The following PCDHGA7 variants were observed in gnomAD, a reference collection of about 807,000 sequenced individuals.
PCDHGA7 encodes the protein protocadherin gamma subfamily A, 7.
Under a neutral mutation model 58.3 loss-of-function variants are expected in PCDHGA7, and 44 were observed. That is an observed-to-expected ratio of 0.75 (90% CI 0.59 to 0.97). The LOEUF (loss-of-function observed/expected upper bound fraction) is 0.97, where lower values mean the gene tolerates loss of function less well. PCDHGA7 is among the 50% of genes least tolerant of loss of function. PCDHGA7 has a pLI of 0.00. For missense variants in PCDHGA7, 1,266 were observed against 1,188.7 expected (o/e 1.06, Z -0.96); for synonymous variants, 516 against 504.2 (o/e 1.02, Z -0.31).
At position 141,460,518 on chromosome 5, in the gene PCDHGA7, C is replaced by T. The variant is rs190277142; in HGVS notation, c.2425-34289C>T. ...AAATATGCTGAGAAGGCTATCTTTT[C>T]CCCACCAAATAATCTTAGCACCTTA... On this transcript the variant is annotated intron_variant, in intron 1 of 3. Coordinates refer to ENST00000518325, the MANE Select transcript of PCDHGA7 (RefSeq NM_018920.4). Among the ~76,000 whole-genome samples, 53 of 152,196 alleles carry T rather than the reference C, an allele frequency of 3.5e-4. 1 individual carries two copies. Among genetic ancestry groups the T allele is most frequent in the African/African-American group, 1.2e-3 (50 of 41,522 alleles).
intron 1 of PCDHGA7, chr5:141,413,463 G>A: frequency 6.2e-7 from 1 of 1,614,128 alleles, no homozygotes; most frequent in African/African-American, 1.3e-5. Flanking sequence ...GGATAGACCG[G>A]GAGGAGCTCT....
At chr5:141,482,572 T>C (rs1367788391) in intron 1 of PCDHGA7, among the ~76,000 whole-genome samples, 1 of 137,636 alleles carries the variant, frequency 7.3e-6, no homozygotes, top group Admixed American at 7.3e-5. Context: ...CTGCATAGCA[T>C]AAGATGCAGT....
chr5:141,392,855 C>T (rs756361613), intron 1 of PCDHGA7: 1 of 1,612,176 alleles, frequency 6.2e-7, no homozygotes, highest in Non-Finnish European at 8.5e-7. Flanking sequence ...GCGAGCTGAT[C>T]CTGCTGTGCG....
chr5:141,414,007 A>G (rs1047239460), intron 1 of PCDHGA7: 2 of 1,613,292 alleles, frequency 1.2e-6, no homozygotes, highest in Non-Finnish European at 1.7e-6. Flanking sequence ...CGAAGGTGCC[A>G]ATGGAGAAGT....
chr5:141,422,727 G>A, intron 1 of PCDHGA7: 6 of 1,606,552 alleles, frequency 3.7e-6, no homozygotes, highest in Non-Finnish European at 5.1e-6. Flanking sequence ...TCCAGGGGGT[G>A]CCTCTGTCCT....
intron 1 of PCDHGA7, chr5:141,399,579 C>T: frequency 6.2e-7 from 1 of 1,614,026 alleles, no homozygotes; most frequent in South Asian, 1.1e-5. Context: ...GCCAAGTCTC[C>T]TACTCTATCA....
At chr5:141,412,713 TG>T (rs1172943618) in intron 1 of PCDHGA7, 2 of 152,812 alleles carry the variant, frequency 1.3e-5, no homozygotes, top group Non-Finnish European at 2.9e-5. Context: ...TGTACATTTC[TG>T]TTGGGAAAAC....
rs763104309 is a variant in PCDHGA7, at chr5:141,432,042, G to A, written c.2424+46719G>A. 5 of 1,614,090 alleles carry A rather than the reference G, an allele frequency of 3.1e-6. No homozygotes were observed. The African/African-American group carries it at 6.7e-5, about 22-fold the overall frequency. ...ATCACAGTGACCGCCACTGACCGGG[G>A]AACCCCGCCCCTATCCACGGAAACT... On this transcript the variant is annotated intron_variant, in intron 1 of 3. Transcript: ENST00000518325. The surrounding 1 kb of genome is among the most constrained non-coding windows in gnomAD (Gnocchi z 6.0).
chr5:141,485,601 G>T lies in PCDHGA7; in HGVS notation c.2425-9206G>T, dbSNP rs762783104. On this transcript the variant is annotated intron_variant, in intron 1 of 3. Transcript: ENST00000518325. The surrounding 1 kb of genome is among the most constrained non-coding windows in gnomAD (Gnocchi z 5.7). ...CGGCAGCAGCTGGACTTGGAAATTG[G>T]GGAGGCAGCTCCTCCAGGACAGCGT... The T allele has an allele frequency of 3.1e-6, 5 of 1,612,290 alleles. No individual in the cohort carries two copies. Among genetic ancestry groups the T allele is most frequent in the Non-Finnish European group, 4.2e-6 (5 of 1,178,722 alleles).
chr5:141,509,148 C>T (rs1345910772), intron 3 of PCDHGA7, among the ~76,000 whole-genome samples: 1 of 152,198 alleles, frequency 6.6e-6, no homozygotes, highest in Non-Finnish European at 1.5e-5. Context: ...CATCCCGGCT[C>T]TCCCCTCCCG....
At chr5:141,500,256 T>C (rs1045685908) in intron 2 of PCDHGA7, among the ~76,000 whole-genome samples, 1 of 151,676 alleles carries the variant, frequency 6.6e-6, no homozygotes, top group Non-Finnish European at 1.5e-5. Flanking sequence ...TCACCCAGGC[T>C]GGACTGCAGT....
intron 1 of PCDHGA7, among the ~76,000 whole-genome samples, chr5:141,461,838 T>G (rs1592748714): frequency 6.6e-6 from 1 of 151,980 alleles, no homozygotes; most frequent in African/African-American, 2.4e-5. Context: ...TTCTTTTTTT[T>G]TTGAGACAGA....
intron 1 of PCDHGA7, chr5:141,422,606 C>A: frequency 6.2e-7 from 1 of 1,613,904 alleles, no homozygotes; most frequent in Non-Finnish European, 8.5e-7. Context: ...TCTTACTCTG[C>A]CTACATTCCC....
Position 141,384,368 on chromosome 5 carries a change from C to T in PCDHGA7, c.1469C>T (p.Ser490Phe), listed in dbSNP as rs748304499. The change falls in exon 1 of 4, where the codon TCC becomes TTC. Residue 490 changes from serine to phenylalanine, a missense_variant. Physicochemically the swap from Ser to Phe is radical, Grantham distance 155 (BLOSUM62 -2). Coordinates refer to ENST00000518325, the MANE Select transcript of PCDHGA7 (RefSeq NM_018920.4). Reference protein sequence around the residue: ...DSEDNAQITYSLAEDTIQGAP... With the variant: ...DSEDNAQITYFLAEDTIQGAP... Reference sequence around the variant, plus strand: ...GAGGATAATGCCCAGATCACTTATTCCTTGGCCGAAGACACCATCCAGGGG... The same window carrying T: ...GAGGATAATGCCCAGATCACTTATTTCTTGGCCGAAGACACCATCCAGGGG... 7 of 1,613,908 alleles carry T rather than the reference C, an allele frequency of 4.3e-6. No homozygotes were observed. Among genetic ancestry groups the T allele is most frequent in the East Asian group, 2.2e-5 (1 of 44,880 alleles).
chr5:141,385,573 C>T lies in PCDHGA7; in HGVS notation c.2424+250C>T, dbSNP rs576834153. 10 of 1,295,026 alleles carry T rather than the reference C, an allele frequency of 7.7e-6. No individual in the cohort carries two copies. In the East Asian group the frequency reaches 2.7e-4, roughly 35 times the overall value. The allele number at this position is 1,295,026 out of a possible 1,614,324, so 80.2% of individuals were successfully genotyped here. On this transcript the variant is annotated intron_variant, in intron 1 of 3. Coordinates refer to ENST00000518325, the MANE Select transcript of PCDHGA7 (RefSeq NM_018920.4). Reference sequence around the variant, plus strand: ...ACATTTTATAATTTCCACCTACTTTCCAATCTATGTTCCAACCTACTTTCT... The same window carrying T: ...ACATTTTATAATTTCCACCTACTTTTCAATCTATGTTCCAACCTACTTTCT...
intron 1 of PCDHGA7, among the ~76,000 whole-genome samples, chr5:141,437,588 A>G (rs1399641711): frequency 6.6e-6 from 1 of 152,134 alleles, no homozygotes; most frequent in African/African-American, 2.4e-5. Context: ...CATGAATTGG[A>G]TAGTTCTGGT....
At chr5:141,408,280 C>T in intron 1 of PCDHGA7, 1 of 1,612,648 alleles carries the variant, frequency 6.2e-7, no homozygotes, top group Non-Finnish European at 8.5e-7. Flanking sequence ...CTTTGTTCTA[C>T]CCCACCCTGA....
intron 1 of PCDHGA7, chr5:141,388,246 TGGA>T: frequency 6.2e-7 from 1 of 1,609,740 alleles, no homozygotes; most frequent in East Asian, 2.2e-5. Context: ...CACGTGAATG[TGGA>T]GATCGAGGAC....
chr5:141,499,493 A>G (rs1322531312), intron 2 of PCDHGA7, among the ~76,000 whole-genome samples: 1 of 152,222 alleles, frequency 6.6e-6, no homozygotes, highest in African/African-American at 2.4e-5. Context: ...CTACAGTTTA[A>G]TATGAAACAT....
Sources: gnomAD v4.1 joint callset for allele counts (sites outside exome capture counted in the v4.1 genomes callset) on GRCh38, gnomAD v4.1.1 for gene constraint, Gnocchi (gnomAD v3.1) non-coding constraint, MANE v1.5 for transcripts, NCBI Gene and HGNC (gene_info 2026-07-23, HGNC 2026-07-21) for gene names.